Variants in NAA15 observed in about 807,000 individuals in gnomAD.
NAA15 encodes N-alpha-acetyltransferase 15, NatA auxiliary subunit, also known as N-terminal acetyltransferase.
Under a neutral mutation model 114.0 loss-of-function variants are expected in NAA15, and 34 were observed. The ratio of observed to expected loss-of-function variants is 0.30; its 90% CI spans 0.23 to 0.40. The LOEUF is 0.40. Ranked by LOEUF, NAA15 falls within the 10% of genes least tolerant of loss-of-function variation. The pLI is 1.00. For synonymous variants in NAA15, 340 were observed against 338.0 expected, an observed-to-expected ratio of 1.01 and a Z score of -0.06; for missense variants, 658 against 1,004.5, an observed-to-expected ratio of 0.66 and a Z score of 4.66.
At chr4:139,332,731 G>A (rs1357444355) in intron 1 of NAA15, among the ~76,000 whole-genome samples, 5 of 151,582 alleles carry the variant, frequency 3.3e-5, no homozygotes, top group Non-Finnish European at 7.4e-5. Flanking sequence ...TACAGGTGGC[G>A]CCAGCAGGCC....
chr4:139,337,534 C>T (rs919039955), intron 3 of NAA15, among the ~76,000 whole-genome samples: 1 of 152,104 alleles, frequency 6.6e-6, no homozygotes, highest in African/African-American at 2.4e-5. Flanking sequence ...TATAACATAG[C>T]CCCTGATAAT....
chr4:139,331,301 A>T (rs796883686), intron 1 of NAA15, among the ~76,000 whole-genome samples: 5 of 151,964 alleles, frequency 3.3e-5, no homozygotes, highest in African/African-American at 9.7e-5. Flanking sequence ...ATACATCACT[A>T]TTTCTTCTTG....
intron 1 of NAA15, among the ~76,000 whole-genome samples, chr4:139,315,069 A>G (rs1261800802): frequency 2.2e-5 from 3 of 139,066 alleles, no homozygotes; most frequent in Non-Finnish European, 4.7e-5. Context: ...AGTTTAGTTT[A>G]GTTTAGTTTT....
chr4:139,373,211 T>C (rs1004906673), intron 15 of NAA15, among the ~76,000 whole-genome samples: 1 of 152,182 alleles, frequency 6.6e-6, no homozygotes, highest in Admixed American at 6.5e-5. Flanking sequence ...GCGAACATCA[T>C]AGGGTGTATG....
rs543982820 is a variant in NAA15, at chr4:139,333,175, T to A, written c.55-999T>A. On this transcript the variant is annotated intron_variant, in intron 1 of 19. Coordinates refer to ENST00000296543, the MANE Select transcript of NAA15 (RefSeq NM_057175.5). ...TGCAGTTTTTTTTTTTCCTAATACTTTCTATCTGTAGTTAGCAGAATCTAC... is the reference window on the plus strand; with the variant it reads ...TGCAGTTTTTTTTTTTCCTAATACTATCTATCTGTAGTTAGCAGAATCTAC... Among the ~76,000 whole-genome samples the A allele has an allele frequency of 9.5e-4, 145 of 152,292 alleles. 3 individuals carry two copies. The South Asian group carries it at 0.01, about 11-fold the overall frequency.
intron 14 of NAA15, among the ~76,000 whole-genome samples, chr4:139,369,758 AG>A (rs1748382296): frequency 1.4e-5 from 2 of 145,270 alleles, no homozygotes; most frequent in Admixed American, 6.8e-5. Flanking sequence ...AAAAAAAAAA[AG>A]GCTACATACA....
intron 3 of NAA15, among the ~76,000 whole-genome samples, chr4:139,338,238 T>A (rs1204797236): frequency 6.6e-6 from 1 of 152,188 alleles, no homozygotes; most frequent in Non-Finnish European, 1.5e-5. Flanking sequence ...AGCTAGATTT[T>A]AATGGGTAGT....
At chr4:139,310,322 C>T (rs1207878637) in intron 1 of NAA15, among the ~76,000 whole-genome samples, 2 of 149,978 alleles carry the variant, frequency 1.3e-5, no homozygotes, top group Non-Finnish European at 3.0e-5. Context: ...GGCGTAGTGG[C>T]GGGCGCCTGT....
intron 2 of NAA15, 65 bp from the exon 3 acceptor site, chr4:139,336,783 T>G: frequency 1.1e-6 from 1 of 913,728 alleles, no homozygotes; most frequent in Non-Finnish European, 1.6e-6. Flanking sequence ...TATGGTTCTG[T>G]TGTTATTTAT....
intron 4 of NAA15, among the ~76,000 whole-genome samples, chr4:139,341,593 CAAAAAAAAAAAAAA>C (rs751688160): frequency 1.4e-4 from 2 of 14,434 alleles, no homozygotes; most frequent in South Asian, 3.1e-3. Flanking sequence ...AACTCTGTCT[CAAAAAAAAAAAAAA>C]AAAAAAAAAA....
intron 7 of NAA15, among the ~76,000 whole-genome samples, chr4:139,349,884 G>T (rs1747724425): frequency 1.3e-5 from 2 of 152,124 alleles, no homozygotes; most frequent in South Asian, 4.2e-4. Context: ...TACTCCGGAG[G>T]CTGAGGCACG....
At chr4:139,351,451 A>T in intron 8 of NAA15, 54 bp from the exon 9 acceptor site, 1 of 1,159,070 alleles carries the variant, frequency 8.6e-7, no homozygotes, top group Non-Finnish European at 1.3e-6. Context: ...ATACTTTGGT[A>T]AATGTAAGTA....
intron 1 of NAA15, 67 bp downstream of exon 1, chr4:139,301,898 C>T (rs1215189761): frequency 4.1e-5 from 62 of 1,512,080 alleles, no homozygotes; most frequent in Non-Finnish European, 5.0e-5. Flanking sequence ...TCACCCCTAA[C>T]CTCGGCCCGG....
chr4:139,324,065 G>T (rs1412370155), intron 1 of NAA15, among the ~76,000 whole-genome samples: 1 of 151,960 alleles, frequency 6.6e-6, no homozygotes, highest in Non-Finnish European at 1.5e-5. Context: ...TGTATTTTTT[G>T]TAGAGACAGG....
intron 9 of NAA15, 123 bp from the exon 10 acceptor site, chr4:139,353,903 A>G: frequency 1.5e-6 from 1 of 675,428 alleles, no homozygotes; most frequent in Non-Finnish European, 2.5e-6. Flanking sequence ...GATATTTTTA[A>G]TAAAGGAGGG....
At chr4:139,329,427 AT>A (rs1341079793) in intron 1 of NAA15, among the ~76,000 whole-genome samples, 1 of 152,136 alleles carries the variant, frequency 6.6e-6, no homozygotes, top group East Asian at 1.9e-4. Flanking sequence ...ATTTTACTAA[AT>A]TTAACTGTCT....
At chr4:139,351,646 AT>A in intron 9 of NAA15, 35 bp downstream of exon 9, 1 of 1,083,070 alleles carries the variant, frequency 9.2e-7, no homozygotes, top group Non-Finnish European at 1.4e-6. Context: ...TTTGGCTACC[AT>A]TTCTTTGCTC....
chr4:139,379,620 C>T (rs1748685111), intron 17 of NAA15, among the ~76,000 whole-genome samples: 1 of 152,096 alleles, frequency 6.6e-6, no homozygotes, highest in South Asian at 2.1e-4. Flanking sequence ...GAAATAGAAC[C>T]TTTAACAGAA....
intron 2 of NAA15, among the ~76,000 whole-genome samples, chr4:139,336,047 C>T (rs563437081): frequency 6.8e-4 from 104 of 152,290 alleles, no homozygotes; most frequent in African/African-American, 2.4e-3. Context: ...GTGTGAGGCA[C>T]TGTGCCTGGC....
Sources: gnomAD v4.1 joint callset for allele counts (sites outside exome capture counted in the v4.1 genomes callset) on GRCh38, gnomAD v4.1.1 for gene constraint, MANE v1.5 for transcripts, NCBI Gene and HGNC (gene_info 2026-07-23, HGNC 2026-07-21) for gene names.